Variants in FAN1 observed in about 807,000 individuals in gnomAD.
FAN1 encodes the protein FANCD2 and FANCI associated nuclease 1.
Under a neutral mutation model 104.9 loss-of-function variants are expected in FAN1, and 91 were observed. That is an observed-to-expected ratio of 0.87 (90% CI 0.73 to 1.03). The LOEUF (loss-of-function observed/expected upper bound fraction) is 1.03. FAN1 is among the 50% of genes least tolerant of loss of function. FAN1 has a pLI of 0.00. For missense variants in FAN1, 1,263 were observed against 1,239.9 expected (o/e 1.02, Z -0.28); for synonymous variants, 478 against 457.6 (o/e 1.04, Z -0.57).
rs771646346 is a variant in FAN1 at position 30,905,054 on chromosome 15, A to C, written c.391A>C (p.Ser131Arg). 28 of 1,613,960 alleles carry C rather than the reference A, an allele frequency of 1.7e-5. No homozygotes were observed. In the Admixed American group the frequency reaches 4.7e-4, roughly 27 times the overall value. ...GCAGAAGATCAGTCCCTACTTTAAA[A>C]GTAATGATGTGGTGTGCAAAAATCA... ...VKQKISPYFK[S>R]NDVVCKNQDE... Residue 131 changes from serine (S) to arginine (R), a missense_variant, in exon 2 of 15, where the codon AGT becomes CGT. Coordinates refer to ENST00000362065, the MANE Select transcript of FAN1 (RefSeq NM_014967.5).
In FAN1 at chr15:30,930,972, C is replaced by G. The variant is rs530964732; in HGVS notation, c.2916+301C>G. Among the ~76,000 whole-genome samples, 8 of 152,302 alleles carry G rather than the reference C, an allele frequency of 5.3e-5. No individual in the cohort carries two copies. In the East Asian group the frequency reaches 1.5e-3, roughly 29 times the overall value. On this transcript the variant is annotated intron_variant, in intron 13 of 14. Coordinates refer to ENST00000362065, the MANE Select transcript of FAN1 (RefSeq NM_014967.5). ...AGGAACGAGTCTCTAGTCCAGCTGACACTCAAAGGGAGGGGGTCACAACGG... is the reference window on the plus strand; with the variant it reads ...AGGAACGAGTCTCTAGTCCAGCTGAGACTCAAAGGGAGGGGGTCACAACGG...
intron 10 of FAN1, chr15:30,927,570 C>G: frequency 1.4e-5 from 14 of 985,654 alleles, no homozygotes; most frequent in Non-Finnish European, 1.7e-5. Context: ...CACCCCTGAT[C>G]CCACTCACTG....
intron 13 of FAN1, among the ~76,000 whole-genome samples, chr15:30,932,804 C>G (rs147214080): frequency 3.3e-5 from 5 of 150,476 alleles, no homozygotes; most frequent in African/African-American, 1.2e-4. Flanking sequence ...CTTCCGCCTC[C>G]TGGGTTCAAG....
intron 8 of FAN1, among the ~76,000 whole-genome samples, chr15:30,924,087 G>A (rs2062400505): frequency 6.6e-6 from 1 of 152,288 alleles, no homozygotes; most frequent in South Asian, 2.1e-4. Flanking sequence ...CATTGAAGTG[G>A]AATCCTACGA....
At chr15:30,933,010 G>A (rs578207372) in intron 13 of FAN1, among the ~76,000 whole-genome samples, 7 of 151,876 alleles carry the variant, frequency 4.6e-5, no homozygotes, top group South Asian at 2.1e-4. Flanking sequence ...GTGAGCCACC[G>A]CACACGGCCA....
chr15:30,925,976 C>T (rs750900953), intron 10 of FAN1, 37 bp downstream of exon 10: 36 of 1,608,474 alleles, frequency 2.2e-5, no homozygotes, highest in Non-Finnish European at 2.6e-5. Context: ...CACCCAGCCC[C>T]GGGTGGACGA....
chr15:30,918,327 T>G (rs760728677), intron 6 of FAN1, 32 bp downstream of exon 6: 3 of 1,610,830 alleles, frequency 1.9e-6, no homozygotes, highest in Non-Finnish European at 2.5e-6. Flanking sequence ...TGCCAAAATT[T>G]ATACATTGAC....
intron 4 of FAN1, chr15:30,911,427 T>G: frequency 1.1e-5 from 11 of 983,152 alleles, no homozygotes; most frequent in Non-Finnish European, 1.3e-5. Context: ...TAACATGATG[T>G]TGTTATTTAT....
intron 6 of FAN1, among the ~76,000 whole-genome samples, chr15:30,920,255 C>T (rs1353938782): frequency 6.6e-6 from 1 of 152,150 alleles, no homozygotes; most frequent in African/African-American, 2.4e-5. Context: ...TCTTAGTTTG[C>T]AGGACATAGA....
At position 30,904,723 on chromosome 15, in the gene FAN1, CAAG is replaced by C; in HGVS notation, c.63_65del (p.Lys21del). The C allele has an allele frequency of 2.5e-6, 4 of 1,609,908 alleles. No homozygotes were observed. The highest frequency in any genetic ancestry group is 3.4e-6 in the Non-Finnish European group (4 of 1,177,280). On this transcript the variant is annotated inframe_deletion, in exon 2 of 15. Transcript: ENST00000362065. ...GGCCTCGTAGAAGCTTATCAATCAG[CAAG>C]AATAAGAAAAAAGCATCTAATTCTA...
At position 30,913,337 on chromosome 15, in the gene FAN1, C is replaced by A. The variant is rs554368789; in HGVS notation, c.1578-521C>A. On this transcript the variant is annotated intron_variant, in intron 4 of 14. Coordinates refer to ENST00000362065, the MANE Select transcript of FAN1 (RefSeq NM_014967.5). ...CAACCCCAGTCCATGGAAAAATTCT[C>A]TTCCATGAAACCACTCCTTGGTGCC... Among the ~76,000 whole-genome samples the A allele has an allele frequency of 7.2e-5, 11 of 152,328 alleles. No homozygotes were observed. The East Asian group carries it at 1.9e-3, about 27-fold the overall frequency.
At chr15:30,929,566 TTTA>T (rs1351795902) in intron 12 of FAN1, among the ~76,000 whole-genome samples, 169 bp downstream of exon 12, 3 of 136,464 alleles carry the variant, frequency 2.2e-5, no homozygotes, top group South Asian at 2.1e-4. Flanking sequence ...ATATTATATC[TTTA>T]TTATATTTAT....
At chr15:30,920,033 C>A (rs978218450) in intron 6 of FAN1, among the ~76,000 whole-genome samples, 20 of 152,310 alleles carry the variant, frequency 1.3e-4, no homozygotes, top group African/African-American at 4.3e-4. Flanking sequence ...ATATTTTAGG[C>A]TTTGCAGGCC....
rs753773328 is a variant in FAN1, at chr15:30,904,987, T to C, written c.324T>C (p.Asn108=). The C allele has an allele frequency of 6.2e-7, 1 of 1,614,042 alleles. No homozygotes were observed. The highest frequency in any genetic ancestry group is 1.1e-5 in the South Asian group (1 of 91,080). Residue 108 remains asparagine, a synonymous_variant, in exon 2 of 15, where the codon AAT becomes AAC. Transcript: ENST00000362065. The part of the protein sequence containing the change: ...TPKKSPPPKT[N]LTPGQSDSAK... ...AGAAGTCACCACCACCAAAGACAAA[T>C]TTAACCCCTGGCCAAAGTGATTCAG...
In FAN1 at chr15:30,904,850, A is replaced by G. The variant is rs749431740; in HGVS notation, c.187A>G (p.Met63Val). The G allele has an allele frequency of 6.2e-7, 1 of 1,613,264 alleles. No individual in the cohort carries two copies. The change falls in exon 2 of 15, where the codon ATG (methionine) becomes GTG (valine). Residue 63 changes from methionine (M) to valine (V), a missense_variant. Met to Val is a conservative substitution (Grantham distance 21). Transcript: ENST00000362065. The stretch of plus-strand genomic sequence containing the variant: ...TGACTTAAACCGGCACCTTGATGAA[A>G]TGTGTGCTAACAATGACTTCGTTCA... ...RYDLNRHLDE[M>V]CANNDFVQVD...
Position 30,936,295 on chromosome 15 carries a change from G to GT in FAN1, c.2917-823dup, listed in dbSNP as rs1313453590. The stretch of plus-strand genomic sequence containing the variant: ...ATCAGTTTAAGCTGAGCATTGAAAG[G>GT]TAAGAAGTCAGGCATGTCAAGAACA... On this transcript the variant is annotated intron_variant, in intron 13 of 14. Transcript: ENST00000362065. 2.0e-5 allele frequency among the ~76,000 whole-genome samples: 3 copies of GT among 152,284 alleles called. No homozygotes were observed. The East Asian group carries it at 5.8e-4, about 29-fold the overall frequency.
chr15:30,910,921 G>T, intron 4 of FAN1, 106 bp downstream of exon 4: 1 of 1,418,378 alleles, frequency 7.1e-7, no homozygotes, highest in South Asian at 1.7e-5. Context: ...TATTTCAGTT[G>T]TAGTTAGATT....
At chr15:30,911,482 T>G (rs1251931346) in intron 4 of FAN1, 1 of 984,032 alleles carries the variant, frequency 1.0e-6, no homozygotes, top group African/African-American at 1.7e-5. Flanking sequence ...GAGCCCATCC[T>G]TGTTGGGGAG....
At position 30,929,921 on chromosome 15, in the gene FAN1, CATAT is replaced by C. The variant is rs3051975; in HGVS notation, c.2787+528_2787+531del. The stretch of plus-strand genomic sequence containing the variant: ...AATATATAAAATATATAATATATAT[CATAT>C]ATAATATATAAAATATATAATATAA... On this transcript the variant is annotated intron_variant, in intron 12 of 14. Coordinates refer to ENST00000362065, the MANE Select transcript of FAN1 (RefSeq NM_014967.5). 1.0e-4 allele frequency among the ~76,000 whole-genome samples: 9 copies of C among 87,328 alleles called. 1 individual carries two copies. The highest frequency in any genetic ancestry group is 7.6e-4 in the East Asian group (3 of 3,930). The allele number at this position is 87,328 out of a possible 152,430, so 57.3% of individuals were successfully genotyped here.
Sources: gnomAD v4.1 joint callset for allele counts (sites outside exome capture counted in the v4.1 genomes callset) on GRCh38, gnomAD v4.1.1 for gene constraint, MANE v1.5 for transcripts, NCBI Gene and HGNC (gene_info 2026-07-23, HGNC 2026-07-21) for gene names.